Variants in PLCG2 observed in about 807,000 individuals in gnomAD.
PLCG2 encodes the protein phospholipase C gamma 2, also known as 1-phosphatidylinositol 4,5-bisphosphate phosphodiesterase gamma-2.
Under a neutral mutation model 175.6 loss-of-function variants are expected in PLCG2, and 69 were observed. The ratio of observed to expected loss-of-function variants is 0.39; its 90% CI spans 0.32 to 0.48. The LOEUF (loss-of-function observed/expected upper bound fraction) is 0.48. Among genes scored for constraint, PLCG2 ranks in the 20% least tolerant of loss-of-function variants. The pLI is 0.91. For missense variants in PLCG2, 1,798 were observed against 1,650.9 expected, an observed-to-expected ratio of 1.09 and a Z score of -1.54; for synonymous variants, 827 against 624.0, an observed-to-expected ratio of 1.33 and a Z score of -4.85.
chr16:81,824,733 T>C (rs1904971018), intron 2 of PLCG2, among the ~76,000 whole-genome samples: 1 of 152,194 alleles, frequency 6.6e-6, no homozygotes, highest in Non-Finnish European at 1.5e-5. Flanking sequence ...TCCTTCCCCA[T>C]GATGTCACCT....
chr16:81,921,246 C>T lies in PLCG2; in HGVS notation c.2284C>T (p.Pro762Ser), dbSNP rs368910187. 2 of 1,609,094 alleles carry T rather than the reference C, an allele frequency of 1.2e-6. No homozygotes were observed. Among genetic ancestry groups the T allele is most frequent in the Non-Finnish European group, 8.5e-7 (1 of 1,175,646 alleles). Residue 762 changes from proline to serine, a missense_variant, in exon 21 of 33, where the codon CCC becomes TCC. Physicochemically the swap from Pro to Ser is moderately conservative, Grantham distance 74. Transcript: ENST00000564138. ...LYDVSRMYVD[P>S]SEINPSMPQR... ...CGACGTCAGCAGAATGTATGTGGAT[C>T]CCAGTGAAATCAATCCGTCCATGGT...
chr16:81,951,876 G>C (rs148841349), intron 31 of PLCG2, among the ~76,000 whole-genome samples: 109 of 152,292 alleles, frequency 7.2e-4, no homozygotes, highest in South Asian at 1.4e-3. Flanking sequence ...AAAAGGTCGA[G>C]TGATCTCTAT....
intron 30 of PLCG2, among the ~76,000 whole-genome samples, chr16:81,940,658 G>C (rs4888196): frequency 6.6e-6 from 1 of 151,954 alleles, no homozygotes; most frequent in African/African-American, 2.4e-5. Flanking sequence ...TGGGTCATAC[G>C]ACCAGCTCTT....
chr16:81,792,996 A>C (rs1195856261), intron 2 of PLCG2, among the ~76,000 whole-genome samples: 1 of 152,180 alleles, frequency 6.6e-6, no homozygotes, highest in East Asian at 1.9e-4. Flanking sequence ...AATGGATTTT[A>C]TTTTATGTTC....
upstream of PLCG2, among the ~76,000 whole-genome samples, chr16:81,776,990 A>C (rs72834723): frequency 6.6e-6 from 1 of 152,212 alleles, no homozygotes; most frequent in Admixed American, 6.5e-5. Context: ...GTTAGCAAAA[A>C]ATGAGCCAAA....
At chr16:81,745,004 C>A (rs1909676187) in intron 1 of PLCG2, among the ~76,000 whole-genome samples, 1 of 152,206 alleles carries the variant, frequency 6.6e-6, no homozygotes, top group African/African-American at 2.4e-5. Context: ...CAACCCTGGA[C>A]TTTAAAAATA....
At chr16:81,924,339 C>T (rs983058081) in intron 22 of PLCG2, among the ~76,000 whole-genome samples, 1 of 152,228 alleles carries the variant, frequency 6.6e-6, no homozygotes, top group African/African-American at 2.4e-5. Context: ...CTGGACCTGG[C>T]TTAGGAATCT....
At chr16:81,777,090 A>G (rs1369915695), upstream of PLCG2, among the ~76,000 whole-genome samples, 2 of 150,214 alleles carry the variant, frequency 1.3e-5, no homozygotes, top group African/African-American at 4.9e-5. Flanking sequence ...ATTTTAACTC[A>G]AAAATACTAT....
At chr16:81,819,076 C>G (rs1362121218) in intron 2 of PLCG2, among the ~76,000 whole-genome samples, 6 of 152,036 alleles carry the variant, frequency 3.9e-5, no homozygotes, top group African/African-American at 1.2e-4. Context: ...CAGTGACTTG[C>G]TCAAGTCTAC....
intron 31 of PLCG2, among the ~76,000 whole-genome samples, chr16:81,947,481 TG>T (rs1373951066): frequency 2.0e-5 from 3 of 152,316 alleles, no homozygotes; most frequent in African/African-American, 7.2e-5. Context: ...TCGGTAGACC[TG>T]GGCTTTCTCC....
intron 1 of PLCG2, among the ~76,000 whole-genome samples, chr16:81,744,079 C>T (rs74366837): frequency 6.6e-6 from 1 of 151,644 alleles, no homozygotes; most frequent in African/African-American, 2.4e-5. Context: ...AGGATGGTCT[C>T]AAACTCCTGA....
intron 2 of PLCG2, among the ~76,000 whole-genome samples, chr16:81,848,387 C>G (rs963273697): frequency 2.0e-5 from 3 of 152,108 alleles, no homozygotes; most frequent in Admixed American, 1.3e-4. Context: ...CTTGTTTGGG[C>G]CCTTTGGAAG....
At chr16:81,750,055 A>G (rs763641821) in intron 1 of PLCG2, among the ~76,000 whole-genome samples, 5 of 152,222 alleles carry the variant, frequency 3.3e-5, no homozygotes, top group South Asian at 2.1e-4. Flanking sequence ...TGAAAAAAAA[A>G]AAGTTAAAAA....
At chr16:81,921,137 T>G in intron 20 of PLCG2, 61 bp from the exon 21 acceptor site, 1 of 1,008,278 alleles carries the variant, frequency 9.9e-7, no homozygotes, top group South Asian at 1.3e-5. Context: ...ACCCTTGTTA[T>G]ATGTAAGGGC....
Position 81,939,991 on chromosome 16 carries a change from A to G in PLCG2, c.3413A>G (p.Glu1138Gly), listed in dbSNP as rs1042021152. 6.2e-7 allele frequency: 1 copy of G among 1,613,992 alleles called. No homozygotes were observed. The highest frequency in any genetic ancestry group is 1.3e-5 in the African/African-American group (1 of 74,916). ...GCATTTCTGCGCTTTGTGGTTTATGAAGAAGATATGTTCAGCGATCCCAAC... is the reference window on the plus strand; with the variant it reads ...GCATTTCTGCGCTTTGTGGTTTATGGAGAAGATATGTTCAGCGATCCCAAC... ...NLAFLRFVVYEEDMFSDPNFL... is the reference protein window; with the variant it reads ...NLAFLRFVVYGEDMFSDPNFL... The change falls in exon 30 of 33, where the codon GAA becomes GGA. Residue 1138 changes from glutamate to glycine, a missense_variant. Physicochemically the swap from Glu to Gly is moderately conservative, Grantham distance 98. Coordinates refer to ENST00000564138, the MANE Select transcript of PLCG2 (RefSeq NM_002661.5).
chr16:81,743,199 AAGAT>A (rs1909632603), intron 1 of PLCG2, among the ~76,000 whole-genome samples: 1 of 152,162 alleles, frequency 6.6e-6, no homozygotes, highest in South Asian at 2.1e-4. Context: ...AAGGAAGAAA[AAGAT>A]AGCTGGGCAT....
At chr16:81,897,499 A>G (rs541180877) in intron 13 of PLCG2, among the ~76,000 whole-genome samples, 1 of 151,932 alleles carries the variant, frequency 6.6e-6, no homozygotes, top group Non-Finnish European at 1.5e-5. Context: ...GTAACTGTTG[A>G]GTCAATAAGA....
intron 10 of PLCG2, among the ~76,000 whole-genome samples, chr16:81,890,158 A>G (rs1908564328): frequency 1.3e-5 from 2 of 152,178 alleles, no homozygotes; most frequent in African/African-American, 2.4e-5. Flanking sequence ...CAGTGATGTT[A>G]TCTGTAGGAG....
At chr16:81,800,350 A>G (rs1234382992) in intron 2 of PLCG2, among the ~76,000 whole-genome samples, 1 of 152,034 alleles carries the variant, frequency 6.6e-6, no homozygotes, top group Admixed American at 6.6e-5. Flanking sequence ...ATTTATTCTG[A>G]TGCTCTCCTC....
Sources: gnomAD v4.1 joint callset for allele counts (sites outside exome capture counted in the v4.1 genomes callset) on GRCh38, gnomAD v4.1.1 for gene constraint, MANE v1.5 for transcripts, NCBI Gene and HGNC (gene_info 2026-07-23, HGNC 2026-07-21) for gene names.